FHOD3: variants seen among roughly 807,000 people sequenced by gnomAD.
FHOD3 encodes formin homology 2 domain containing 3.
A neutral mutation model predicts 173.0 loss-of-function variants in FHOD3; 90 were observed. The observed-to-expected ratio is 0.52, with a 90% CI of 0.44 to 0.62. The LOEUF (loss-of-function observed/expected upper bound fraction) is 0.62. Among genes scored for constraint, FHOD3 ranks in the 20% least tolerant of loss-of-function variants. The pLI is 0.00. For synonymous variants in FHOD3, 828 were observed against 823.0 expected, an observed-to-expected ratio of 1.01 and a Z score of -0.10; for missense variants, 1,945 against 2,034.7, an observed-to-expected ratio of 0.96 and a Z score of 0.85.
intron 1 of FHOD3, among the ~76,000 whole-genome samples, chr18:36,334,744 A>G (rs879591975): frequency 2.0e-5 from 3 of 152,238 alleles, no homozygotes; most frequent in Non-Finnish European, 4.4e-5. Context: ...TCTCTGTACC[A>G]GAAAACTGAC....
intron 10 of FHOD3, among the ~76,000 whole-genome samples, chr18:36,627,767 T>A (rs1041503500): frequency 6.6e-6 from 1 of 152,182 alleles, no homozygotes; most frequent in African/African-American, 2.4e-5. Flanking sequence ...ATAGTGGGAA[T>A]GCAGTGGTGA....
chr18:36,612,168 T>C, intron 9 of FHOD3, 73 bp downstream of exon 9: 1 of 1,520,880 alleles, frequency 6.6e-7, no homozygotes, highest in Non-Finnish European at 8.9e-7. Flanking sequence ...GCGCCTACTT[T>C]AGACCACGCG....
intron 17 of FHOD3, among the ~76,000 whole-genome samples, chr18:36,706,044 G>T (rs1470851051): frequency 6.6e-6 from 1 of 151,810 alleles, no homozygotes; most frequent in South Asian, 2.1e-4. Context: ...ATGGGAAAGG[G>T]GAGGAGAAAT....
intron 1 of FHOD3, among the ~76,000 whole-genome samples, chr18:36,330,798 G>A (rs1204160906): frequency 1.3e-5 from 2 of 152,204 alleles, no homozygotes; most frequent in Non-Finnish European, 2.9e-5. Context: ...GGGTTAGGGG[G>A]TCTTGGTGAA....
chr18:36,715,460 G>A (rs983047308), intron 18 of FHOD3, among the ~76,000 whole-genome samples: 6 of 152,128 alleles, frequency 3.9e-5, no homozygotes, highest in South Asian at 2.1e-4. Context: ...ACCCAGTCTC[G>A]GGCAGCCCTT....
intron 4 of FHOD3, among the ~76,000 whole-genome samples, chr18:36,506,756 T>C (rs974109515): frequency 4.0e-5 from 6 of 151,500 alleles, no homozygotes; most frequent in Non-Finnish European, 7.4e-5. Context: ...GAAGTGTAGA[T>C]CAGTGCACAT....
chr18:36,302,178 C>G (rs1160176247), intron 1 of FHOD3, among the ~76,000 whole-genome samples: 2 of 152,174 alleles, frequency 1.3e-5, no homozygotes, highest in Admixed American at 1.3e-4. Flanking sequence ...GGCAGCCTGT[C>G]CACATTTCAG....
intron 3 of FHOD3, among the ~76,000 whole-genome samples, chr18:36,395,876 G>T (rs566727686): frequency 6.6e-6 from 1 of 152,244 alleles, no homozygotes; most frequent in South Asian, 2.1e-4. Flanking sequence ...GAGGTAATTT[G>T]TCTGTAGATA....
At chr18:36,346,549 A>G (rs1254506691) in intron 1 of FHOD3, among the ~76,000 whole-genome samples, 1 of 152,200 alleles carries the variant, frequency 6.6e-6, no homozygotes, top group African/African-American at 2.4e-5. Context: ...ACACCACCAT[A>G]TCCGATCAGT....
intron 13 of FHOD3, among the ~76,000 whole-genome samples, chr18:36,653,993 G>A (rs537969774): frequency 1.8e-4 from 28 of 152,300 alleles, no homozygotes; most frequent in South Asian, 8.3e-4. Flanking sequence ...GTTGCGAGGC[G>A]GTTTCAACCC....
At chr18:36,466,059 C>T (rs1265801276) in intron 3 of FHOD3, among the ~76,000 whole-genome samples, 2 of 152,128 alleles carry the variant, frequency 1.3e-5, no homozygotes, top group Non-Finnish European at 2.9e-5. Flanking sequence ...ACCCCCAATG[C>T]ATACAAATCT....
chr18:36,580,525 GC>G (rs1318523896), intron 6 of FHOD3, among the ~76,000 whole-genome samples: 2 of 152,154 alleles, frequency 1.3e-5, no homozygotes, highest in African/African-American at 2.4e-5. Context: ...AAGGTCTCCT[GC>G]CCCCCTGCAG....
chr18:36,534,888 A>C (rs2056931366), intron 5 of FHOD3, among the ~76,000 whole-genome samples: 1 of 152,222 alleles, frequency 6.6e-6, no homozygotes, highest in Non-Finnish European at 1.5e-5. Flanking sequence ...TGTGCTTAGA[A>C]GGCCATTCAA....
chr18:36,728,012 C>G (rs1266025175), intron 19 of FHOD3, among the ~76,000 whole-genome samples: 1 of 152,208 alleles, frequency 6.6e-6, no homozygotes, highest in East Asian at 1.9e-4. Context: ...CCTCCAGACC[C>G]CTATCTCCAT....
At chr18:36,736,193 G>A (rs775608972) in intron 20 of FHOD3, among the ~76,000 whole-genome samples, 28 of 152,374 alleles carry the variant, frequency 1.8e-4, no homozygotes, top group Admixed American at 7.2e-4. Context: ...GCAAAACTCC[G>A]TGTGGGCCCT....
At chr18:36,391,964 G>T (rs1443865717) in intron 3 of FHOD3, among the ~76,000 whole-genome samples, 1 of 152,216 alleles carries the variant, frequency 6.6e-6, no homozygotes, top group South Asian at 2.1e-4. Flanking sequence ...GATGGGGCAT[G>T]TAAAGCACTT....
At chr18:36,537,295 T>G (rs2057034967) in intron 5 of FHOD3, among the ~76,000 whole-genome samples, 1 of 152,222 alleles carries the variant, frequency 6.6e-6, no homozygotes, top group African/African-American at 2.4e-5. Flanking sequence ...TTCTTAGCAT[T>G]CCTATTTGTC....
intron 5 of FHOD3, among the ~76,000 whole-genome samples, chr18:36,553,430 CTGTGAATCCATCT>C (rs1263937944): frequency 2.0e-5 from 3 of 152,176 alleles, no homozygotes; most frequent in Non-Finnish European, 2.9e-5. Flanking sequence ...TAGAATTCGG[CTGTGAATCCATCT>C]GGTCATGGGC....
intron 16 of FHOD3, among the ~76,000 whole-genome samples, chr18:36,688,055 G>A (rs185243697): frequency 1.2e-3 from 181 of 152,302 alleles, no homozygotes; most frequent in African/African-American, 4.2e-3. Context: ...TTGATCAGTA[G>A]TATATTTCAA....
Sources: gnomAD v4.1 joint callset for allele counts (sites outside exome capture counted in the v4.1 genomes callset) on GRCh38, gnomAD v4.1.1 for gene constraint, MANE v1.5 for transcripts, NCBI Gene and HGNC (gene_info 2026-07-23, HGNC 2026-07-21) for gene names.